The following AMBRA1 variants were observed in gnomAD, a reference collection of about 807,000 sequenced individuals.
The protein encoded by AMBRA1 is activating molecule in BECN1-regulated autophagy protein 1.
A neutral mutation model predicts 125.4 loss-of-function variants in AMBRA1; 47 were observed. The ratio of observed to expected loss-of-function variants is 0.37; its 90% confidence interval spans 0.30 to 0.48. The LOEUF (loss-of-function observed/expected upper bound fraction) is 0.48. AMBRA1 is among the 20% of genes least tolerant of loss of function. The pLI is 0.99. For synonymous variants in AMBRA1, 626 were observed against 655.5 expected (o/e 0.95, Z 0.69); for missense variants, 1,331 against 1,693.4 (o/e 0.79, Z 3.76).
intron 11 of AMBRA1, among the ~76,000 whole-genome samples, chr11:46,473,655 T>G (rs1400328177): frequency 6.6e-6 from 1 of 152,174 alleles, no homozygotes; most frequent in Non-Finnish European, 1.5e-5. Flanking sequence ...ATTCTTTTTT[T>G]GTTTGTTTGT....
chr11:46,417,055 TTC>T (rs747634841), intron 15 of AMBRA1, among the ~76,000 whole-genome samples: 667 of 152,124 alleles, frequency 4.4e-3, no homozygotes, highest in Non-Finnish European at 7.1e-3. Flanking sequence ...AATTGAGCTT[TTC>T]TTTTTTTTTT....
chr11:46,489,699 C>T (rs921125919), intron 11 of AMBRA1, among the ~76,000 whole-genome samples: 3 of 152,154 alleles, frequency 2.0e-5, no homozygotes, highest in Non-Finnish European at 4.4e-5. Flanking sequence ...CAGCTAATAC[C>T]CCACATTACC....
In AMBRA1 at chr11:46,397,482, C is replaced by T. The variant is rs774644644; in HGVS notation, c.3865G>A (p.Ala1289Thr). The change falls in exon 18 of 18, where the codon GCA (alanine) becomes ACA (threonine). Residue 1289 changes from alanine (A) to threonine (T), a missense_variant. Transcript: ENST00000683756. ...LDGGSSRGDA[A>T]GPRGEPRNR is the part of the protein sequence containing the mutation. ...TTCCGTGGTTCTCCCCTAGGGCCTG[C>T]AGCGTCCCCCCTGCTGCTGCCACCA... 7.2e-6 allele frequency: 11 copies of T among 1,520,272 alleles called. No individual in the cohort carries two copies. The highest frequency in any genetic ancestry group is 9.7e-6 in the Non-Finnish European group (11 of 1,133,226). The allele number at this position is 1,520,272 out of a possible 1,614,324, so 94.2% of individuals were successfully genotyped here. A position where few individuals can be genotyped will look rare whatever the true frequency, so the allele number is the denominator to read the frequency against.
At chr11:46,492,557 A>G (rs997505081) in intron 11 of AMBRA1, among the ~76,000 whole-genome samples, 2 of 152,220 alleles carry the variant, frequency 1.3e-5, no homozygotes, top group Admixed American at 6.5e-5. Context: ...TCATAAATTT[A>G]TAAGTCGGCA....
intron 17 of AMBRA1, among the ~76,000 whole-genome samples, chr11:46,399,955 GA>G (rs1250843701): frequency 6.6e-6 from 1 of 152,046 alleles, no homozygotes; most frequent in Non-Finnish European, 1.5e-5. Context: ...GGGTGACCTT[GA>G]AAAAAATCCC....
At chr11:46,447,543 CA>C (rs1948352678) in intron 11 of AMBRA1, among the ~76,000 whole-genome samples, 1 of 151,898 alleles carries the variant, frequency 6.6e-6, no homozygotes, top group Non-Finnish European at 1.5e-5. Flanking sequence ...TCAAAAAACC[CA>C]AAAACACAAA....
At chr11:46,437,669 G>A (rs773431100) in intron 12 of AMBRA1, among the ~76,000 whole-genome samples, 13 of 152,178 alleles carry the variant, frequency 8.5e-5, no homozygotes, top group Non-Finnish European at 1.3e-4. Flanking sequence ...GCTTCCTCTC[G>A]TAAGGCTGAA....
intron 1 of AMBRA1, among the ~76,000 whole-genome samples, chr11:46,570,124 T>C (rs996419956): frequency 2.0e-5 from 3 of 151,708 alleles, no homozygotes; most frequent in Non-Finnish European, 1.5e-5. Flanking sequence ...TAGCTGGGCA[T>C]GGTGGTGCAT....
intron 8 of AMBRA1, among the ~76,000 whole-genome samples, chr11:46,512,473 G>A (rs1174506011): frequency 6.6e-6 from 1 of 152,088 alleles, no homozygotes; most frequent in Non-Finnish European, 1.5e-5. Context: ...GCCTCTCCAG[G>A]TTCCTCCTCT....
chr11:46,503,689 C>T (rs1950927643), intron 9 of AMBRA1, among the ~76,000 whole-genome samples: 1 of 151,932 alleles, frequency 6.6e-6, no homozygotes, highest in Admixed American at 6.6e-5. Flanking sequence ...AAAAGAGGAC[C>T]CAAATATAAG....
At chr11:46,503,326 G>C (rs1950915112) in intron 9 of AMBRA1, among the ~76,000 whole-genome samples, 1 of 152,188 alleles carries the variant, frequency 6.6e-6, no homozygotes, top group Non-Finnish European at 1.5e-5. Flanking sequence ...AAGAGGAAGA[G>C]AGATGGGGGA....
chr11:46,417,337 AC>A (rs998187330), intron 15 of AMBRA1, among the ~76,000 whole-genome samples: 12 of 152,320 alleles, frequency 7.9e-5, no homozygotes, highest in African/African-American at 2.9e-4. Flanking sequence ...GGCATGAGCC[AC>A]TGTGCCCAGC....
chr11:46,576,338 G>A (rs1456234064), intron 1 of AMBRA1, among the ~76,000 whole-genome samples: 1 of 152,124 alleles, frequency 6.6e-6, no homozygotes, highest in Non-Finnish European at 1.5e-5. Context: ...ATGTTGCCAA[G>A]GCAGGTCTCG....
intron 14 of AMBRA1, among the ~76,000 whole-genome samples, chr11:46,430,258 G>A (rs1446608951): frequency 6.6e-6 from 1 of 152,224 alleles, no homozygotes; most frequent in Non-Finnish European, 1.5e-5. Context: ...GTAGGAAACA[G>A]AAGACAAACA....
intron 1 of AMBRA1, among the ~76,000 whole-genome samples, chr11:46,571,364 AT>A: frequency 6.6e-6 from 1 of 152,306 alleles, no homozygotes; most frequent in African/African-American, 2.4e-5. Context: ...TGACTTAGGG[AT>A]CATTTTGAAC....
intron 11 of AMBRA1, among the ~76,000 whole-genome samples, chr11:46,468,914 C>T (rs1188734097): frequency 6.6e-6 from 1 of 152,026 alleles, no homozygotes; most frequent in Non-Finnish European, 1.5e-5. Flanking sequence ...GAGGCCAAGG[C>T]AGGTGGATCA....
chr11:46,444,862 G>A (rs192809278), intron 11 of AMBRA1, among the ~76,000 whole-genome samples: 7 of 152,146 alleles, frequency 4.6e-5, no homozygotes, highest in East Asian at 1.9e-4. Flanking sequence ...GCACTCTTCC[G>A]GTTGCTGCTG....
intron 11 of AMBRA1, among the ~76,000 whole-genome samples, chr11:46,477,943 T>C (rs1307985020): frequency 6.6e-6 from 1 of 151,806 alleles, no homozygotes; most frequent in Non-Finnish European, 1.5e-5. Context: ...AGAGCTAATT[T>C]TTGTATTTTA....
At chr11:46,499,636 CCTACTA>C (rs1439420290) in intron 9 of AMBRA1, among the ~76,000 whole-genome samples, 1 of 151,990 alleles carries the variant, frequency 6.6e-6, no homozygotes, top group Non-Finnish European at 1.5e-5. Context: ...TGTACCTCTG[CCTACTA>C]CAGGGGAAAT....
Sources: gnomAD v4.1 joint callset for allele counts (sites outside exome capture counted in the v4.1 genomes callset) on GRCh38, gnomAD v4.1.1 for gene constraint, MANE v1.5 for transcripts, NCBI Gene and HGNC (gene_info 2026-07-23, HGNC 2026-07-21) for gene names.